PLPP4: variants seen among roughly 807,000 people sequenced by gnomAD.
PLPP4 encodes the protein phospholipid phosphatase 4, also known as diacylglycerol pyrophosphate like 2.
Under a neutral mutation model 32.2 loss-of-function variants are expected in PLPP4, and 20 were observed. The ratio of observed to expected loss-of-function variants is 0.62; its 90% CI spans 0.44 to 0.90. The LOEUF is 0.90. Ranked by LOEUF, PLPP4 falls within the 40% of genes least tolerant of loss-of-function variation. PLPP4 has a pLI of 0.00. For missense variants in PLPP4, 257 were observed against 353.1 expected (o/e 0.73, Z 2.18); for synonymous variants, 127 against 133.0 (o/e 0.95, Z 0.31).
chr10:120,532,949 A>C (rs11199383), intron 5 of PLPP4, among the ~76,000 whole-genome samples: 65,761 of 151,978 alleles, frequency 0.43, 15,137 homozygotes, highest in East Asian at 0.6. Context: ...AATAGTATAC[A>C]AGTTTTTGTG....
intron 1 of PLPP4, among the ~76,000 whole-genome samples, chr10:120,478,318 G>A (rs1009726595): frequency 5.3e-5 from 8 of 152,188 alleles, no homozygotes; most frequent in Non-Finnish European, 7.3e-5. Context: ...CAGCTTCCAG[G>A]CCCAGATACT....
At chr10:120,587,438 T>C (rs1404872675) in intron 6 of PLPP4, 1 of 152,248 alleles carries the variant, frequency 6.6e-6, no homozygotes, top group African/African-American at 2.4e-5. Context: ...TTTTCTTTTA[T>C]TTGTACTTCT....
intron 2 of PLPP4, among the ~76,000 whole-genome samples, chr10:120,513,516 G>A (rs1845811286): frequency 6.6e-6 from 1 of 152,204 alleles, no homozygotes; most frequent in African/African-American, 2.4e-5. Context: ...CTCTAAGTGA[G>A]TCTCAAATGC....
intron 5 of PLPP4, among the ~76,000 whole-genome samples, chr10:120,552,208 G>GTGTGTGTGTGT (rs1847941508): frequency 7.4e-6 from 1 of 135,794 alleles, no homozygotes; most frequent in South Asian, 2.5e-4. Flanking sequence ...GTGTGTGTGT[G>GTGTGTGTGTGT]ATGTTATGTT....
chr10:120,579,890 G>A (rs12258075), intron 6 of PLPP4, among the ~76,000 whole-genome samples: 21 of 150,212 alleles, frequency 1.4e-4, no homozygotes, highest in African/African-American at 4.7e-4. Flanking sequence ...GGCAGATCAC[G>A]AGGTCAGGAG....
chr10:120,492,122 A>T (rs1020290916), intron 1 of PLPP4, among the ~76,000 whole-genome samples: 1 of 152,214 alleles, frequency 6.6e-6, no homozygotes, highest in Non-Finnish European at 1.5e-5. Flanking sequence ...CCCATTTTAT[A>T]GATGAGCAGG....
At chr10:120,481,870 T>C (rs754053632) in intron 1 of PLPP4, among the ~76,000 whole-genome samples, 6 of 152,150 alleles carry the variant, frequency 3.9e-5, no homozygotes, top group Non-Finnish European at 8.8e-5. Context: ...TGGGGGCAGG[T>C]CTTTCTTCTG....
At chr10:120,496,514 A>G (rs1288719489) in intron 1 of PLPP4, among the ~76,000 whole-genome samples, 1 of 152,188 alleles carries the variant, frequency 6.6e-6, no homozygotes, top group African/African-American at 2.4e-5. Flanking sequence ...GGGCACTCCA[A>G]TCTAGACATC....
At chr10:120,538,328 C>T (rs1232180067) in intron 5 of PLPP4, among the ~76,000 whole-genome samples, 1 of 151,366 alleles carries the variant, frequency 6.6e-6, no homozygotes, top group African/African-American at 2.4e-5. Flanking sequence ...TTAACTCTGC[C>T]AAAGGAAAAT....
intron 6 of PLPP4, among the ~76,000 whole-genome samples, chr10:120,577,336 A>G (rs1849268949): frequency 1.3e-5 from 2 of 152,298 alleles, no homozygotes; most frequent in African/African-American, 4.8e-5. Context: ...GCATAGTACT[A>G]ACAACCTAGG....
intron 1 of PLPP4, among the ~76,000 whole-genome samples, chr10:120,479,028 C>T (rs796744695): frequency 5.9e-5 from 9 of 152,266 alleles, no homozygotes; most frequent in Non-Finnish European, 8.8e-5. Flanking sequence ...AGATCGAGAC[C>T]ATCCTGGCTA....
Position 120,457,247 on chromosome 10 carries a change from G to GC in PLPP4, c.-59_-58insC. 7.3e-7 allele frequency: 1 copy of GC among 1,373,026 alleles called. No homozygotes were observed. 85.1% of individuals were successfully genotyped at this position (1,373,026 alleles called of 1,614,324 possible). ...AGGGTCTGGCGAGCCGGCGCCGGCC[G>GC]AGCTGCGGGAGCCGCGGAGAGCACC... On this transcript the variant is annotated 5_prime_UTR_variant, in exon 1 of 7. Coordinates refer to ENST00000398250, the MANE Select transcript of PLPP4 (RefSeq NM_001030059.3).
intron 5 of PLPP4, among the ~76,000 whole-genome samples, chr10:120,521,903 G>A (rs1368859603): frequency 6.6e-6 from 1 of 152,242 alleles, no homozygotes; most frequent in African/African-American, 2.4e-5. Context: ...ATAAACAGTA[G>A]TTATCTACAT....
At position 120,503,807 on chromosome 10, in the gene PLPP4, T is replaced by G; in HGVS notation, c.57-11T>G. ...GCTCAACCTTCATGTACTTTTCTTTTTATGTTTCAGTTTTACAGAGTTTTT... is the reference window on the plus strand; with the variant it reads ...GCTCAACCTTCATGTACTTTTCTTTGTATGTTTCAGTTTTACAGAGTTTTT... On this transcript the variant is annotated splice_polypyrimidine_tract_variant and intron_variant, in intron 1 of 6. Transcript: ENST00000398250. 1 of 1,609,512 alleles carries G rather than the reference T, an allele frequency of 6.2e-7. No individual in the cohort carries two copies. Among genetic ancestry groups the G allele is most frequent in the Non-Finnish European group, 8.5e-7 (1 of 1,176,312 alleles).
chr10:120,567,822 A>T (rs1036020284), intron 5 of PLPP4, among the ~76,000 whole-genome samples: 4 of 152,226 alleles, frequency 2.6e-5, no homozygotes, highest in African/African-American at 9.7e-5. Flanking sequence ...ATATAAACAT[A>T]AAATATATCT....
At chr10:120,478,971 A>C (rs1844059993) in intron 1 of PLPP4, among the ~76,000 whole-genome samples, 1 of 152,220 alleles carries the variant, frequency 6.6e-6, no homozygotes, top group Non-Finnish European at 1.5e-5. Context: ...TCACGCCTGT[A>C]ATCCCAGCAC....
At chr10:120,528,117 C>G (rs1472150571) in intron 5 of PLPP4, among the ~76,000 whole-genome samples, 1 of 147,070 alleles carries the variant, frequency 6.8e-6, no homozygotes, top group Non-Finnish European at 1.5e-5. Context: ...CTCTGTCGCC[C>G]AGGCTGGAGT....
intron 1 of PLPP4, among the ~76,000 whole-genome samples, chr10:120,459,079 A>T (rs930050489): frequency 9.2e-5 from 14 of 152,164 alleles, no homozygotes; most frequent in Non-Finnish European, 1.6e-4. Flanking sequence ...TATTTATGAG[A>T]TGTTTACAGA....
At chr10:120,571,566 TTTG>T (rs1421770721) in intron 5 of PLPP4, among the ~76,000 whole-genome samples, 3 of 152,174 alleles carry the variant, frequency 2.0e-5, no homozygotes, top group East Asian at 1.9e-4. Flanking sequence ...TTCCTGGTTT[TTTG>T]TTGTTGTTGT....
Sources: gnomAD v4.1 joint callset for allele counts (sites outside exome capture counted in the v4.1 genomes callset) on GRCh38, gnomAD v4.1.1 for gene constraint, MANE v1.5 for transcripts, NCBI Gene and HGNC (gene_info 2026-07-23, HGNC 2026-07-21) for gene names.